Variants in SHISAL1 observed in about 807,000 individuals in gnomAD.
The protein encoded by SHISAL1 is protein shisa-like-1.
A neutral mutation model predicts 22.6 loss-of-function variants in SHISAL1; 9 were observed. The ratio of observed to expected loss-of-function variants is 0.40; its 90% confidence interval spans 0.24 to 0.70. SHISAL1 has a LOEUF of 0.70. Ranked by LOEUF, SHISAL1 falls within the 30% of genes least tolerant of loss-of-function variation. The pLI, the probability that SHISAL1 is intolerant of heterozygous loss-of-function variation, is 0.39. For synonymous variants in SHISAL1, 119 were observed against 115.4 expected (o/e 1.03, Z -0.20); for missense variants, 246 against 270.6 (o/e 0.91, Z 0.64).
At chr22:44,260,834 G>T (rs1305426683) in intron 4 of SHISAL1, among the ~76,000 whole-genome samples, 4 of 152,152 alleles carry the variant, frequency 2.6e-5, no homozygotes, top group Admixed American at 6.5e-5. Flanking sequence ...TTTGGCCGAG[G>T]CCTCCCCATG....
intron 4 of SHISAL1, among the ~76,000 whole-genome samples, chr22:44,269,820 C>T (rs1165049202): frequency 3.3e-5 from 5 of 152,306 alleles, no homozygotes; most frequent in East Asian, 1.9e-4. Context: ...CTGCCCTCTC[C>T]GCCTCTCCCC....
intron 4 of SHISAL1, among the ~76,000 whole-genome samples, chr22:44,257,439 A>G (rs149342307): frequency 1.0e-3 from 157 of 152,292 alleles, no homozygotes; most frequent in African/African-American, 3.7e-3. Flanking sequence ...TTGGTCATTG[A>G]GATTCGAAAT....
chr22:44,300,791 C>A, intron 2 of SHISAL1, 88 bp downstream of exon 2: 1 of 1,153,474 alleles, frequency 8.7e-7, no homozygotes, highest in Non-Finnish European at 1.3e-6. Context: ...TGTGTGCCCC[C>A]AGAACCCCAG....
At chr22:44,299,940 A>G (rs993885656) in intron 2 of SHISAL1, among the ~76,000 whole-genome samples, 1 of 151,982 alleles carries the variant, frequency 6.6e-6, no homozygotes, top group Non-Finnish European at 1.5e-5. Context: ...ACAGAGACAC[A>G]GAGAGACAGA....
chr22:44,297,616 T>C (rs2055396447), intron 2 of SHISAL1, among the ~76,000 whole-genome samples: 1 of 152,224 alleles, frequency 6.6e-6, no homozygotes, highest in African/African-American at 2.4e-5. Context: ...CTCCCACCAC[T>C]CTGCTCAGGG....
intron 4 of SHISAL1, among the ~76,000 whole-genome samples, chr22:44,276,423 G>T (rs2055240001): frequency 6.6e-6 from 1 of 152,166 alleles, no homozygotes; most frequent in Non-Finnish European, 1.5e-5. Context: ...GAGGCCATCG[G>T]CGGGTCTTGA....
chr22:44,301,031 G>T, intron 1 of SHISAL1, 54 bp from the exon 2 acceptor site: 1 of 1,291,030 alleles, frequency 7.7e-7, no homozygotes, highest in Non-Finnish European at 1.1e-6. Context: ...CCTGACACTG[G>T]CTTTCCTGCC....
chr22:44,327,422 G>C, the SHISAL1 span, among the ~76,000 whole-genome samples: 1 of 152,136 alleles, frequency 6.6e-6, no homozygotes, highest in Admixed American at 6.5e-5. Flanking sequence ...GAACATTTCT[G>C]ACCTGGCCAC....
At chr22:44,319,669 G>A in the SHISAL1 span, among the ~76,000 whole-genome samples, 1 of 152,236 alleles carries the variant, frequency 6.6e-6, no homozygotes, top group Non-Finnish European at 1.5e-5. Flanking sequence ...GCTCCCTTCG[G>A]GGACAATTCA....
At chr22:44,270,269 T>A (rs1457504578) in intron 4 of SHISAL1, among the ~76,000 whole-genome samples, 1 of 152,160 alleles carries the variant, frequency 6.6e-6, no homozygotes, top group African/African-American at 2.4e-5. Flanking sequence ...CCGTCAACGT[T>A]GAGATGTCCC....
At chr22:44,278,552 T>C (rs370942738) in intron 4 of SHISAL1, among the ~76,000 whole-genome samples, 1 of 152,178 alleles carries the variant, frequency 6.6e-6, no homozygotes, top group African/African-American at 2.4e-5. Flanking sequence ...GGAAAAAGAA[T>C]AGCAACATGA....
In SHISAL1 at chr22:44,249,575, G is replaced by A. The variant is rs927637693; in HGVS notation, c.*110C>T. On this transcript the variant is annotated 3_prime_UTR_variant, in exon 5 of 5. Transcript: ENST00000381176. ...AGGCAGCATTTCCTCCTGTGCCACC[G>A]CCGCTACCTCGGCTGTCCCTGGCAT... 4.4e-5 allele frequency: 30 copies of A among 686,340 alleles called. No individual in the cohort carries two copies. Among genetic ancestry groups the A allele is most frequent in the African/African-American group, 9.0e-5 (5 of 55,398 alleles). 42.5% of individuals were successfully genotyped at this position (686,340 alleles called of 1,614,324 possible). A position where few individuals can be genotyped will look rare whatever the true frequency, so the allele number is the denominator to read the frequency against.
At chr22:44,256,339 A>G (rs1459909636) in intron 4 of SHISAL1, among the ~76,000 whole-genome samples, 1 of 152,088 alleles carries the variant, frequency 6.6e-6, no homozygotes. Context: ...AACTCACACC[A>G]TTGGCTCCCC....
intron 3 of SHISAL1, among the ~76,000 whole-genome samples, chr22:44,294,431 C>T (rs1231927619): frequency 6.6e-6 from 1 of 152,160 alleles, no homozygotes; most frequent in Non-Finnish European, 1.5e-5. Flanking sequence ...TGCAACCCAC[C>T]ACCTCCCTTC....
chr22:44,301,130 T>C (rs2055426135), intron 1 of SHISAL1, among the ~76,000 whole-genome samples, 153 bp from the exon 2 acceptor site: 2 of 152,178 alleles, frequency 1.3e-5, no homozygotes, highest in Admixed American at 1.3e-4. Flanking sequence ...GATGCCGCCA[T>C]CCAATTTCCT....
Position 44,310,536 on chromosome 22 carries a change from C to T in SHISAL1, c.-33+2215G>A, listed in dbSNP as rs567442749. On this transcript the variant is annotated intron_variant, in intron 1 of 4. Coordinates refer to ENST00000381176, the MANE Select transcript of SHISAL1 (RefSeq NM_001099294.2). This position sits in a 1 kb window ranked among gnomAD's most constrained non-coding sequence, Gnocchi z 4.0. The stretch of plus-strand genomic sequence containing the variant: ...GGCTTCAGCTTCCTCATCTGTGAAA[C>T]GGGAGCCGTGCCCCACACCTTGCAG... Among the ~76,000 whole-genome samples, 45 of 152,254 alleles carry T rather than the reference C, an allele frequency of 3.0e-4. 2 individuals carry two copies. In the South Asian group the frequency reaches 8.5e-3, roughly 29 times the overall value.
the SHISAL1 span, among the ~76,000 whole-genome samples, chr22:44,327,837 A>C: frequency 6.6e-6 from 1 of 152,188 alleles, no homozygotes; most frequent in Non-Finnish European, 1.5e-5. Flanking sequence ...CTCCTCACTC[A>C]TCCTGGCTCA....
chr22:44,309,401 G>T (rs1022646062), intron 1 of SHISAL1, among the ~76,000 whole-genome samples: 1 of 152,138 alleles, frequency 6.6e-6, no homozygotes, highest in Non-Finnish European at 1.5e-5. Flanking sequence ...GGTAGGCAGC[G>T]GCCCAGCAGA....
At chr22:44,308,661 G>A (rs1461908778) in intron 1 of SHISAL1, among the ~76,000 whole-genome samples, 4 of 152,228 alleles carry the variant, frequency 2.6e-5, no homozygotes. Context: ...TGCTAGGGCA[G>A]GGGCTGGGTG....
Sources: gnomAD v4.1 joint callset for allele counts (sites outside exome capture counted in the v4.1 genomes callset) on GRCh38, gnomAD v4.1.1 for gene constraint, Gnocchi (gnomAD v3.1) non-coding constraint, MANE v1.5 for transcripts, NCBI Gene and HGNC (gene_info 2026-07-23, HGNC 2026-07-21) for gene names.